Variants in ANKRD26 observed in about 807,000 individuals in gnomAD.
ANKRD26 encodes the protein ankyrin repeat domain 26.
ANKRD26 carries 141 observed loss-of-function variants against 208.7 expected under a neutral mutation model. The observed-to-expected ratio is 0.68, with a 90% CI of 0.59 to 0.78. ANKRD26 has a LOEUF of 0.78. ANKRD26 is among the 30% of genes least tolerant of loss of function. ANKRD26 has a pLI of 0.00. For missense variants in ANKRD26, 1,889 were observed against 1,938.7 expected, an observed-to-expected ratio of 0.97 and a Z score of 0.48; for synonymous variants, 636 against 660.4, an observed-to-expected ratio of 0.96 and a Z score of 0.57.
the ANKRD26 span, among the ~76,000 whole-genome samples, chr10:26,962,053 T>G: frequency 2.0e-4 from 30 of 152,324 alleles, no homozygotes; most frequent in African/African-American, 7.2e-4. Context: ...ACAGAAGATT[T>G]GGGCACTTGT....
chr10:27,014,568 G>C lies in ANKRD26; in HGVS notation c.4650C>G (p.Thr1550=). 1 of 1,606,286 alleles carries C rather than the reference G, an allele frequency of 6.2e-7. No individual in the cohort carries two copies. The highest frequency in any genetic ancestry group is 1.1e-5 in the South Asian group (1 of 90,096). Residue 1550 remains threonine (T), a synonymous_variant, in exon 31 of 34, where the codon ACC becomes ACG. Coordinates refer to ENST00000376087, the MANE Select transcript of ANKRD26 (RefSeq NM_014915.3). ...AGAGTTGCTTATATTTTTCCAGTTC[G>C]GTTTTATTAAAGTCTTCTTGAGAAG... ...IKTSQEDFNK[T]ELEKYKQLYL...
At chr10:26,969,767 G>A (rs1463772207), downstream of ANKRD26, among the ~76,000 whole-genome samples, 1 of 150,334 alleles carries the variant, frequency 6.7e-6, no homozygotes, top group Non-Finnish European at 1.5e-5. Context: ...GATTATGTTG[G>A]CTCATCTCAT....
At chr10:26,986,424 C>G in intron 3 of ANKRD26, among the ~76,000 whole-genome samples, 1 of 152,002 alleles carries the variant, frequency 6.6e-6, no homozygotes, top group Non-Finnish European at 1.5e-5. Context: ...ACAAAATTGA[C>G]AAATGGGATC....
intron 30 of ANKRD26, among the ~76,000 whole-genome samples, chr10:27,015,585 G>A (rs2053262069): frequency 6.6e-6 from 1 of 152,174 alleles, no homozygotes; most frequent in African/African-American, 2.4e-5. Context: ...AGAAATCTGT[G>A]TTATCATGGA....
At chr10:26,971,375 C>T (rs1377389950), downstream of ANKRD26, among the ~76,000 whole-genome samples, 1 of 151,390 alleles carries the variant, frequency 6.6e-6, no homozygotes, top group Non-Finnish European at 1.5e-5. Flanking sequence ...AAAGTGAAAC[C>T]TTGTCTCAAA....
chr10:27,093,908 T>C, intron 1 of ANKRD26, 109 bp from the exon 2 acceptor site: 1 of 874,664 alleles, frequency 1.1e-6, no homozygotes, highest in Non-Finnish European at 1.7e-6. Context: ...TTTGGCTGTG[T>C]CCCCACCCAA....
chr10:27,046,341 C>A lies in ANKRD26; in HGVS notation c.1985+12G>T, dbSNP rs757820584. 11 of 1,612,962 alleles carry A rather than the reference C, an allele frequency of 6.8e-6. No individual in the cohort carries two copies. Among genetic ancestry groups the A allele is most frequent in the Non-Finnish European group, 6.8e-6 (8 of 1,179,490 alleles). ...TTCCTCCATAGAAAAATAAAGAAAT[C>A]ATAGATTTTACCTTCCTTCATCCTC... is the stretch of plus-strand genomic sequence containing the variant. On this transcript the variant is annotated intron_variant, in intron 18 of 33. Transcript: ENST00000376087.
intron 3 of ANKRD26, among the ~76,000 whole-genome samples, chr10:26,984,533 T>C (rs1036411980): frequency 1.3e-5 from 2 of 152,210 alleles, no homozygotes; most frequent in Non-Finnish European, 2.9e-5. Flanking sequence ...ACTTTCTCTT[T>C]TGTAAGAGAC....
chr10:27,044,726 A>T (rs1470040994), intron 18 of ANKRD26, among the ~76,000 whole-genome samples: 1 of 152,308 alleles, frequency 6.6e-6, no homozygotes, highest in East Asian at 1.9e-4. Flanking sequence ...TAATCCTAAC[A>T]ATAATTCTGT....
intron 6 of ANKRD26, among the ~76,000 whole-genome samples, chr10:27,081,957 C>T (rs778737684): frequency 1.2e-4 from 18 of 150,582 alleles, no homozygotes; most frequent in Non-Finnish European, 2.4e-4. Flanking sequence ...AGGCTGGTCT[C>T]GATCTCCTGA....
At chr10:26,977,622 G>C (rs2052247043) in intron 5 of ANKRD26, among the ~76,000 whole-genome samples, 2 of 152,166 alleles carry the variant, frequency 1.3e-5, no homozygotes, top group Non-Finnish European at 2.9e-5. Context: ...TTACAACTCA[G>C]GGATGTAAAC....
chr10:26,992,916 G>A (rs1055102421), intron 5 of ANKRD26, among the ~76,000 whole-genome samples: 2 of 152,076 alleles, frequency 1.3e-5, no homozygotes, highest in South Asian at 2.1e-4. Flanking sequence ...CACGGGTTCC[G>A]CTTTGGGCTG....
chr10:27,017,748 A>G lies in ANKRD26; in HGVS notation c.4260T>C (p.Cys1420=). ...TAELETAGSK[C]LHLDTKNQIL... Reference sequence around the variant, plus strand: ...TTTGGTTCTTTGTATCCAGATGTAGACATTTTGAACCTGCAGTCTCCAGTT... The same window carrying G: ...TTTGGTTCTTTGTATCCAGATGTAGGCATTTTGAACCTGCAGTCTCCAGTT... The change falls in exon 30 of 34, where the codon TGT becomes TGC. Residue 1420 remains cysteine (C), a synonymous_variant. Transcript: ENST00000376087. 1.2e-6 allele frequency: 2 copies of G among 1,613,258 alleles called. No individual in the cohort carries two copies. The highest frequency in any genetic ancestry group is 1.7e-6 in the Non-Finnish European group (2 of 1,179,820).
At chr10:27,099,251 A>G (rs1227065935) in intron 1 of ANKRD26, among the ~76,000 whole-genome samples, 2 of 151,480 alleles carry the variant, frequency 1.3e-5, no homozygotes, top group African/African-American at 2.4e-5. Flanking sequence ...TTGGTCTCCT[A>G]AAATGCTGGG....
At chr10:26,955,006 T>C in the ANKRD26 span, among the ~76,000 whole-genome samples, 1 of 150,942 alleles carries the variant, frequency 6.6e-6, no homozygotes, top group Non-Finnish European at 1.5e-5. Context: ...TGTCCATCTG[T>C]TTCCTTTAGC....
chr10:27,049,823 T>C (rs1390163600), intron 16 of ANKRD26, among the ~76,000 whole-genome samples: 3 of 152,116 alleles, frequency 2.0e-5, no homozygotes, highest in African/African-American at 7.2e-5. Context: ...ATCAGATAAA[T>C]TACCAGATAA....
chr10:26,998,854 C>T (rs1244847613), intron 4 of ANKRD26, among the ~76,000 whole-genome samples: 1 of 151,830 alleles, frequency 6.6e-6, no homozygotes, highest in Non-Finnish European at 1.5e-5. Context: ...GAGTAGCAGT[C>T]GAGGAGGGGA....
chr10:27,083,063 T>A (rs934224114), intron 5 of ANKRD26, among the ~76,000 whole-genome samples: 1 of 152,112 alleles, frequency 6.6e-6, no homozygotes, highest in Admixed American at 6.6e-5. Flanking sequence ...AATTTCCTAC[T>A]CCTCATGTCC....
At chr10:27,057,828 T>C (rs977380503) in intron 15 of ANKRD26, among the ~76,000 whole-genome samples, 4 of 151,362 alleles carry the variant, frequency 2.6e-5, no homozygotes, top group Non-Finnish European at 4.4e-5. Context: ...CCCTAGCTAC[T>C]CAGGAGGCTG....
Sources: gnomAD v4.1 joint callset for allele counts (sites outside exome capture counted in the v4.1 genomes callset) on GRCh38, gnomAD v4.1.1 for gene constraint, MANE v1.5 for transcripts, NCBI Gene and HGNC (gene_info 2026-07-23, HGNC 2026-07-21) for gene names.